EXOC6B: variants seen among roughly 807,000 people sequenced by gnomAD.
The protein encoded by EXOC6B is SEC15 homolog B.
A neutral mutation model predicts 113.5 loss-of-function variants in EXOC6B; 54 were observed. The ratio of observed to expected loss-of-function variants is 0.48; its 90% CI spans 0.38 to 0.60. The LOEUF is 0.60. Among genes scored for constraint, EXOC6B ranks in the 20% least tolerant of loss-of-function variants. EXOC6B has a pLI of 0.00. For missense variants in EXOC6B, 797 were observed against 977.5 expected (o/e 0.82, Z 2.46); for synonymous variants, 357 against 339.0 (o/e 1.05, Z -0.58).
At chr2:72,628,627 T>G (rs1672204272) in intron 6 of EXOC6B, among the ~76,000 whole-genome samples, 1 of 151,982 alleles carries the variant, frequency 6.6e-6, no homozygotes, top group Non-Finnish European at 1.5e-5. Flanking sequence ...ATTAATGCCT[T>G]TATAAAAGAA....
At chr2:72,391,205 T>C (rs1041667542) in intron 18 of EXOC6B, among the ~76,000 whole-genome samples, 1 of 152,200 alleles carries the variant, frequency 6.6e-6, no homozygotes, top group African/African-American at 2.4e-5. Flanking sequence ...TTTCATTTAT[T>C]TTGTACAGTA....
intron 16 of EXOC6B, among the ~76,000 whole-genome samples, chr2:72,482,804 G>A (rs1289512776): frequency 6.6e-6 from 1 of 152,140 alleles, no homozygotes; most frequent in Non-Finnish European, 1.5e-5. Context: ...AAGAAAAAGT[G>A]TACCTTCTAC....
rs181370027 is a variant in EXOC6B at position 72,515,758 on chromosome 2, G to A, written c.916-632C>T. The A allele has an allele frequency of 1.4e-5, 14 of 984,258 alleles. No homozygotes were observed. In the Admixed American group the frequency reaches 7.4e-4, roughly 52 times the overall value. 61.0% of individuals were successfully genotyped at this position (984,258 alleles called of 1,614,324 possible). A position where few individuals can be genotyped will look rare whatever the true frequency, so the allele number is the denominator to read the frequency against. ...TGAGCTGTGTACTGGGTTGAATAGT[G>A]GTTTCTCCAAATTCATGTCCTTCGT... On this transcript the variant is annotated intron_variant, in intron 8 of 21. Coordinates refer to ENST00000272427, the MANE Select transcript of EXOC6B (RefSeq NM_015189.3).
At chr2:72,723,269 G>A (rs1478125503) in intron 5 of EXOC6B, among the ~76,000 whole-genome samples, 1 of 152,128 alleles carries the variant, frequency 6.6e-6, no homozygotes, top group African/African-American at 2.4e-5. Context: ...TCTCATGCAG[G>A]CTCCTTAACA....
chr2:72,246,663 A>G (rs1682684851), intron 20 of EXOC6B, among the ~76,000 whole-genome samples: 1 of 151,802 alleles, frequency 6.6e-6, no homozygotes, highest in African/African-American at 2.4e-5. Context: ...GCCCACCACC[A>G]TGCAGGGTCT....
At chr2:72,258,364 T>TC (rs1683483828) in intron 20 of EXOC6B, among the ~76,000 whole-genome samples, 2 of 144,812 alleles carry the variant, frequency 1.4e-5, no homozygotes, top group African/African-American at 5.1e-5. Flanking sequence ...TCTTTTTCTT[T>TC]TTTTTTTTTT....
At chr2:72,672,330 TAAAG>T (rs1026395323) in intron 6 of EXOC6B, among the ~76,000 whole-genome samples, 10 of 150,712 alleles carry the variant, frequency 6.6e-5, no homozygotes, top group African/African-American at 2.2e-4. Flanking sequence ...GATAAACAGA[TAAAG>T]AAAAGCCGGT....
intron 20 of EXOC6B, among the ~76,000 whole-genome samples, chr2:72,280,407 A>G (rs1167771637): frequency 7.2e-5 from 11 of 152,180 alleles, no homozygotes; most frequent in Admixed American, 7.2e-4. Context: ...GCAAAAAGAA[A>G]TGACCTGTAT....
At chr2:72,737,319 G>A (rs562190618) in intron 2 of EXOC6B, among the ~76,000 whole-genome samples, 1 of 151,786 alleles carries the variant, frequency 6.6e-6, no homozygotes, top group East Asian at 1.9e-4. Context: ...GCTCCAGCCT[G>A]GGCAACAGAG....
intron 20 of EXOC6B, among the ~76,000 whole-genome samples, chr2:72,314,829 T>G (rs1245015069): frequency 1.3e-5 from 2 of 152,230 alleles, no homozygotes; most frequent in Non-Finnish European, 2.9e-5. Flanking sequence ...ATGTTGAGAT[T>G]ACACTTTTTT....
Position 72,372,116 on chromosome 2 carries a change from G to T in EXOC6B, c.2122+7613C>A, listed in dbSNP as rs564299151. Among the ~76,000 whole-genome samples, 11 of 152,142 alleles carry T rather than the reference G, an allele frequency of 7.2e-5. No individual in the cohort carries two copies. The South Asian group carries it at 2.3e-3, about 32-fold the overall frequency. Reference sequence around the variant, plus strand: ...ATACCTAGGAATTTACTTAGCCAAAGAAGTAAAGGATCTTACAAACTATAA... The same window carrying T: ...ATACCTAGGAATTTACTTAGCCAAATAAGTAAAGGATCTTACAAACTATAA... On this transcript the variant is annotated intron_variant, in intron 19 of 21. Coordinates refer to ENST00000272427, the MANE Select transcript of EXOC6B (RefSeq NM_015189.3).
intron 6 of EXOC6B, among the ~76,000 whole-genome samples, chr2:72,647,910 A>C (rs1172937769): frequency 6.6e-6 from 1 of 152,226 alleles, no homozygotes; most frequent in Admixed American, 6.5e-5. Flanking sequence ...CACTGGCAAG[A>C]AAAACCAAAA....
At chr2:72,759,074 G>A (rs1682603497) in intron 1 of EXOC6B, among the ~76,000 whole-genome samples, 1 of 152,182 alleles carries the variant, frequency 6.6e-6, no homozygotes, top group East Asian at 1.9e-4. Flanking sequence ...AGACTTTCAG[G>A]ATTTGAGCCT....
chr2:72,314,833 C>G (rs1687416621), intron 20 of EXOC6B, among the ~76,000 whole-genome samples: 2 of 152,158 alleles, frequency 1.3e-5, no homozygotes, highest in African/African-American at 4.8e-5. Flanking sequence ...TGAGATTACA[C>G]TTTTTTCCTT....
At chr2:72,572,900 C>T (rs1417601050) in intron 7 of EXOC6B, among the ~76,000 whole-genome samples, 1 of 152,008 alleles carries the variant, frequency 6.6e-6, no homozygotes, top group Admixed American at 6.6e-5. Context: ...CAGTGAAGTG[C>T]CAAATTTTTG....
chr2:72,296,364 C>G (rs1466035553), intron 20 of EXOC6B, among the ~76,000 whole-genome samples: 11 of 152,036 alleles, frequency 7.2e-5, no homozygotes, highest in Non-Finnish European at 2.9e-5. Flanking sequence ...CCTTGGCTTT[C>G]TAATGACAAT....
At chr2:72,714,456 CT>C (rs1314823234) in intron 6 of EXOC6B, among the ~76,000 whole-genome samples, 2 of 152,168 alleles carry the variant, frequency 1.3e-5, no homozygotes, top group Admixed American at 1.3e-4. Flanking sequence ...CTGGTATTCG[CT>C]TTCTGCTTTT....
intron 20 of EXOC6B, among the ~76,000 whole-genome samples, chr2:72,302,280 T>C (rs1252634795): frequency 2.6e-5 from 4 of 152,214 alleles, no homozygotes; most frequent in Admixed American, 2.0e-4. Context: ...TTTTAGAGCA[T>C]GTGCCATGTG....
At position 72,718,230 on chromosome 2, in the gene EXOC6B, T is replaced by C. The variant is rs774835523; in HGVS notation, c.542A>G (p.Lys181Arg). Residue 181 changes from lysine (K) to arginine (R), a missense_variant, in exon 6 of 22, where the codon AAG becomes AGG. By Grantham distance (26) the Lys-to-Arg change is conservative. Transcript: ENST00000272427. ...CTTGGGGATGTTGTCCACCATCACCTTGCAGAATCGATAGTGGCTTACTTG... is the reference window on the plus strand; with the variant it reads ...CTTGGGGATGTTGTCCACCATCACCCTGCAGAATCGATAGTGGCTTACTTG... ...LPQVSHYRFC[K>R]VMVDNIPKLR... The C allele has an allele frequency of 1.9e-6, 3 of 1,613,772 alleles. No individual in the cohort carries two copies. Among genetic ancestry groups the C allele is most frequent in the Admixed American group, 3.3e-5 (2 of 59,982 alleles).
Sources: allele counts gnomAD v4.1 joint callset (sites outside exome capture counted in the v4.1 genomes callset), GRCh38; gene constraint gnomAD v4.1.1; transcripts MANE v1.5; gene names NCBI Gene and HGNC (gene_info 2026-07-23, HGNC 2026-07-21).